The following FILIP1 variants were observed in gnomAD, a reference collection of about 807,000 sequenced individuals.
FILIP1 encodes filamin-A-interacting protein 1.
In FILIP1, 61 loss-of-function variants were observed where a neutral mutation model predicts 102.1. The observed-to-expected ratio is 0.60, with a 90% confidence interval of 0.49 to 0.74. The LOEUF (loss-of-function observed/expected upper bound fraction) is 0.74, where lower values mean the gene tolerates loss of function less well. FILIP1 is among the 30% of genes least tolerant of loss of function. FILIP1 has a pLI of 0.00. For missense variants in FILIP1, 1,314 were observed against 1,441.2 expected, an observed-to-expected ratio of 0.91 and a Z score of 1.43; for synonymous variants, 491 against 526.9, an observed-to-expected ratio of 0.93 and a Z score of 0.93.
At chr6:75,344,946 T>A (rs975777850) in intron 4 of FILIP1, among the ~76,000 whole-genome samples, 6 of 152,184 alleles carry the variant, frequency 3.9e-5, no homozygotes, top group African/African-American at 1.4e-4. Context: ...TAAAAATGTT[T>A]TTAAAAAGAT....
At chr6:75,471,159 C>CA (rs67671264) in intron 1 of FILIP1, among the ~76,000 whole-genome samples, 44 of 72,256 alleles carry the variant, frequency 6.1e-4, no homozygotes, top group Non-Finnish European at 8.6e-4. Flanking sequence ...GACCTTGTCT[C>CA]AAAAAAAAAA....
chr6:75,384,484 G>T (rs1776016570), intron 2 of FILIP1, among the ~76,000 whole-genome samples: 1 of 151,998 alleles, frequency 6.6e-6, no homozygotes, highest in African/African-American at 2.4e-5. Context: ...TCCTTTAGCA[G>T]CTATGTGCAA....
intron 3 of FILIP1, among the ~76,000 whole-genome samples, chr6:75,354,669 C>T (rs79922884): frequency 6.6e-6 from 1 of 151,666 alleles, no homozygotes; most frequent in Non-Finnish European, 1.5e-5. Context: ...AGTTCAAACA[C>T]TTTTTCATTT....
At chr6:75,409,052 A>G (rs1776969751) in intron 2 of FILIP1, among the ~76,000 whole-genome samples, 1 of 152,200 alleles carries the variant, frequency 6.6e-6, no homozygotes, top group African/African-American at 2.4e-5. Flanking sequence ...TCTTACCTAA[A>G]AAGTTTCATC....
At chr6:75,361,153 C>A (rs1410024501) in intron 3 of FILIP1, among the ~76,000 whole-genome samples, 1 of 152,234 alleles carries the variant, frequency 6.6e-6, no homozygotes, top group African/African-American at 2.4e-5. Context: ...ATATGCCCAG[C>A]TTAGCCAGTT....
intron 1 of FILIP1, among the ~76,000 whole-genome samples, chr6:75,481,755 A>T (rs556157102): frequency 1.3e-5 from 2 of 152,248 alleles, no homozygotes; most frequent in South Asian, 4.1e-4. Context: ...CCCAGGACAC[A>T]TTCTTTAAGA....
intron 1 of FILIP1, among the ~76,000 whole-genome samples, chr6:75,438,065 G>T (rs1366000809): frequency 3.3e-5 from 5 of 152,152 alleles, no homozygotes; most frequent in African/African-American, 1.2e-4. Flanking sequence ...TCCATTATGT[G>T]GCACAGTGAC....
intron 4 of FILIP1, among the ~76,000 whole-genome samples, chr6:75,322,448 AAAC>A (rs1201752131): frequency 1.3e-5 from 2 of 152,200 alleles, no homozygotes; most frequent in Non-Finnish European, 2.9e-5. Context: ...CATGAAAAGG[AAAC>A]AAACCAGAAG....
chr6:75,462,197 G>C (rs1225530346), intron 1 of FILIP1, among the ~76,000 whole-genome samples: 1 of 152,172 alleles, frequency 6.6e-6, no homozygotes, highest in East Asian at 1.9e-4. Context: ...GCTCCAGATA[G>C]ATCACAATCA....
intron 1 of FILIP1, chr6:75,458,349 T>C (rs1778912074): frequency 6.6e-6 from 1 of 152,196 alleles, no homozygotes; most frequent in Non-Finnish European, 1.5e-5. Flanking sequence ...GAAATCTTTA[T>C]CTAGAATGAC....
intron 2 of FILIP1, among the ~76,000 whole-genome samples, chr6:75,365,750 A>G (rs1368669521): frequency 6.6e-6 from 1 of 152,034 alleles, no homozygotes; most frequent in Non-Finnish European, 1.5e-5. Context: ...AATTTTCTAC[A>G]GTAAATATGT....
chr6:75,441,837 T>A (rs1300014051), intron 1 of FILIP1, among the ~76,000 whole-genome samples: 3 of 134,948 alleles, frequency 2.2e-5, no homozygotes, highest in Admixed American at 7.4e-5. Context: ...GGCGGGGGGC[T>A]GGCCCCCCCA....
At chr6:75,445,922 A>T (rs1315592796) in intron 1 of FILIP1, among the ~76,000 whole-genome samples, 6 of 152,158 alleles carry the variant, frequency 3.9e-5, no homozygotes, top group African/African-American at 1.4e-4. Flanking sequence ...TAATAAGATC[A>T]TTATTTTGCT....
At chr6:75,443,971 C>T (rs909228396) in intron 1 of FILIP1, among the ~76,000 whole-genome samples, 3 of 152,010 alleles carry the variant, frequency 2.0e-5, no homozygotes, top group Non-Finnish European at 4.4e-5. Flanking sequence ...TTTGTAGAGA[C>T]AAAATGAAGT....
intron 1 of FILIP1, among the ~76,000 whole-genome samples, chr6:75,441,587 G>C (rs1370706908): frequency 6.6e-6 from 1 of 150,620 alleles, no homozygotes; most frequent in East Asian, 2.0e-4. Flanking sequence ...CCTCCCGGAC[G>C]GGGCGGCTGG....
At chr6:75,405,687 C>A (rs948713264) in intron 2 of FILIP1, among the ~76,000 whole-genome samples, 1 of 152,170 alleles carries the variant, frequency 6.6e-6, no homozygotes, top group Admixed American at 6.5e-5. Context: ...ATGGCCCCTG[C>A]TGCTGTGTCG....
At chr6:75,445,408 T>C (rs1442500420) in intron 1 of FILIP1, among the ~76,000 whole-genome samples, 1 of 152,058 alleles carries the variant, frequency 6.6e-6, no homozygotes, top group Non-Finnish European at 1.5e-5. Flanking sequence ...TCAAGGCCCC[T>C]GGAACTCTGT....
exon 7 of FILIP1, chr6:75,293,606 A>G (rs1190373891): frequency 6.6e-6 from 1 of 152,138 alleles, no homozygotes; most frequent in Non-Finnish European, 1.5e-5. Context: ...TAAGTTCCAA[A>G]TTCATTATAA....
intron 1 of FILIP1, among the ~76,000 whole-genome samples, chr6:75,441,658 G>A (rs900782242): frequency 1.4e-5 from 2 of 147,956 alleles, no homozygotes; most frequent in African/African-American, 5.1e-5. Context: ...CCGGGCGGGG[G>A]GCTGACGCCC....
Sources: gnomAD v4.1 joint callset for allele counts (sites outside exome capture counted in the v4.1 genomes callset) on GRCh38, gnomAD v4.1.1 for gene constraint, MANE v1.5 for transcripts, NCBI Gene and HGNC (gene_info 2026-07-23, HGNC 2026-07-21) for gene names.